MICAL2: variants seen among roughly 807,000 people sequenced by gnomAD.
The protein encoded by MICAL2 is [F-actin]-monooxygenase MICAL2.
A neutral mutation model predicts 127.3 loss-of-function variants in MICAL2; 77 were observed. The observed-to-expected ratio is 0.60, with a 90% CI of 0.50 to 0.73. MICAL2 has a LOEUF of 0.73. MICAL2 is among the 30% of genes least tolerant of loss of function. The probability of loss-of-function intolerance (pLI) is 0.00; values close to 1 mark genes in which losing one functional copy is unlikely to be tolerated. For synonymous variants in MICAL2, 570 were observed against 551.1 expected, an observed-to-expected ratio of 1.03 and a Z score of -0.48; for missense variants, 1,351 against 1,434.4, an observed-to-expected ratio of 0.94 and a Z score of 0.94.
chr11:12,167,624 T>A (rs540035501), intron 3 of MICAL2, among the ~76,000 whole-genome samples: 117 of 152,266 alleles, frequency 7.7e-4, no homozygotes, highest in African/African-American at 2.6e-3. Context: ...GTTCCAGTCA[T>A]AACCGATAAA....
At chr11:12,285,017 G>A (rs571850352) in intron 2 of MICAL2, among the ~76,000 whole-genome samples, 21 of 152,332 alleles carry the variant, frequency 1.4e-4, no homozygotes, top group Admixed American at 2.6e-4. Context: ...CAGGAGACCA[G>A]AATTTTATTA....
chr11:12,343,631 A>G (rs1938906649), intron 32 of MICAL2, among the ~76,000 whole-genome samples: 1 of 152,144 alleles, frequency 6.6e-6, no homozygotes, highest in South Asian at 2.1e-4. Flanking sequence ...GTGTGGGTAT[A>G]ATGCAGGAAA....
rs200644427 is a variant in MICAL2, at chr11:12,220,373, T to C, written c.1121T>C (p.Met374Thr). The stretch of plus-strand genomic sequence containing the variant: ...GTGGCCATGTTTGACTTTACCTGCA[T>C]GTATGCCTCAGAGAACGCGGCCCTG... Reference protein sequence around the residue: ...PDVAMFDFTCMYASENAALVR... With the variant: ...PDVAMFDFTCTYASENAALVR... The change falls in exon 9 of 28, where the codon ATG becomes ACG. Residue 374 changes from methionine (M) to threonine (T), a missense_variant. Physicochemically the swap from Met to Thr is moderately conservative, Grantham distance 81. Transcript: ENST00000683283. 7 of 1,614,238 alleles carry C rather than the reference T, an allele frequency of 4.3e-6. No homozygotes were observed. Among genetic ancestry groups the C allele is most frequent in the East Asian group, 2.2e-5 (1 of 44,882 alleles).
At chr11:12,246,783 A>G (rs139053767) in intron 21 of MICAL2, among the ~76,000 whole-genome samples, 62 of 152,278 alleles carry the variant, frequency 4.1e-4, no homozygotes, top group African/African-American at 1.4e-3. Flanking sequence ...ACAAATATTT[A>G]TTGAATGAAA....
intron 32 of MICAL2, among the ~76,000 whole-genome samples, chr11:12,338,878 G>A (rs1282129506): frequency 6.6e-6 from 1 of 152,176 alleles, no homozygotes; most frequent in African/African-American, 2.4e-5. Context: ...CTCTCTGGCT[G>A]CCCTTAACAT....
chr11:12,222,851 C>T (rs768017079), intron 11 of MICAL2, 108 bp downstream of exon 11: 51 of 1,406,998 alleles, frequency 3.6e-5, no homozygotes, highest in Non-Finnish European at 4.2e-5. Flanking sequence ...GGACTAAGGC[C>T]ACCAAGGCCT....
intron 4 of MICAL2, among the ~76,000 whole-genome samples, chr11:12,205,909 TC>T (rs1854619582): frequency 6.6e-6 from 1 of 152,208 alleles, no homozygotes; most frequent in African/African-American, 2.4e-5. Flanking sequence ...AGAGCCATGT[TC>T]TTATGAGGAC....
chr11:12,226,735 CT>C (rs1228807839), intron 14 of MICAL2, among the ~76,000 whole-genome samples: 2 of 146,612 alleles, frequency 1.4e-5, no homozygotes, highest in Non-Finnish European at 3.0e-5. Context: ...TCACTGCAAG[CT>C]CTGCCTCCTG....
chr11:12,217,592 C>T lies in MICAL2; in HGVS notation c.948+1273C>T, dbSNP rs1363048787. Among the ~76,000 whole-genome samples, 7 of 152,146 alleles carry T rather than the reference C, an allele frequency of 4.6e-5. No homozygotes were observed. The East Asian group carries it at 1.2e-3, about 25-fold the overall frequency. On this transcript the variant is annotated intron_variant, in intron 8 of 27. Transcript: ENST00000683283. ...GGGGGGTGCAGGGGTGTAGGGGTAG[C>T]GGGCAGCTTTGCAGAGGAGAGGTTA...
chr11:12,117,396 G>C (rs904692202), intron 1 of MICAL2, among the ~76,000 whole-genome samples: 6 of 152,248 alleles, frequency 3.9e-5, no homozygotes, highest in African/African-American at 1.2e-4. Context: ...AGAACACCCT[G>C]TTCTGGCCTT....
chr11:12,242,754 A>C lies in MICAL2; in HGVS notation c.2640A>C (p.Gly880=). ...EKAAHLASMF[G]HGDFPQNKLL... ...CGGCTCACCTTGCCTCCATGTTTGG[A>C]CACGGGGATTTCCCGCAGGTAAACA... The change falls in exon 20 of 28, where the codon GGA becomes GGC. Residue 880 remains glycine (G), a synonymous_variant. Coordinates refer to ENST00000683283, the MANE Select transcript of MICAL2 (RefSeq NM_001282663.2). 1 of 1,608,786 alleles carries C rather than the reference A, an allele frequency of 6.2e-7. No individual in the cohort carries two copies. Among genetic ancestry groups the C allele is most frequent in the Non-Finnish European group, 8.5e-7 (1 of 1,178,350 alleles).
chr11:12,204,100 T>G, intron 3 of MICAL2, 150 bp from the exon 4 acceptor site: 1 of 705,260 alleles, frequency 1.4e-6, no homozygotes, highest in Non-Finnish European at 2.4e-6. Context: ...ATTGGGTGGA[T>G]GAATGACAGG....
rs546537511 is a variant in MICAL2, at chr11:12,130,777, G to A, written c.-148-7613G>A. ...GCACATGGCAGCATTTTAGCTTCCT[G>A]GCACCCCAGCACTTGGGCTAGAATT... On this transcript the variant is annotated intron_variant, in intron 1 of 27. Transcript: ENST00000683283. Among the ~76,000 whole-genome samples the A allele has an allele frequency of 5.9e-5, 9 of 151,908 alleles. No homozygotes were observed. In the South Asian group the frequency reaches 1.9e-3, roughly 31 times the overall value.
At chr11:12,170,247 C>G (rs7949249) in intron 3 of MICAL2, among the ~76,000 whole-genome samples, 1 of 151,864 alleles carries the variant, frequency 6.6e-6, no homozygotes, top group Admixed American at 6.6e-5. Context: ...CCCAGGAATT[C>G]GAGACCAGCC....
intron 30 of MICAL2, among the ~76,000 whole-genome samples, chr11:12,321,649 C>CTA (rs956679296): frequency 2.5e-4 from 10 of 40,794 alleles, no homozygotes; most frequent in African/African-American, 7.6e-4. Flanking sequence ...ATATGTAAGG[C>CTA]TGTGTGTTTA....
intron 29 of MICAL2, among the ~76,000 whole-genome samples, chr11:12,318,385 T>C (rs1404236976): frequency 1.3e-5 from 2 of 152,234 alleles, no homozygotes; most frequent in African/African-American, 4.8e-5. Flanking sequence ...TGATTCTATC[T>C]TTACCTGAGC....
At chr11:12,314,703 G>A (rs1864214616) in intron 29 of MICAL2, among the ~76,000 whole-genome samples, 1 of 146,940 alleles carries the variant, frequency 6.8e-6, no homozygotes. Flanking sequence ...AGCCAGGATG[G>A]TCTCGATCTC....
intron 4 of MICAL2, among the ~76,000 whole-genome samples, chr11:12,204,769 A>T (rs1443646464): frequency 1.3e-5 from 2 of 152,226 alleles, no homozygotes; most frequent in Non-Finnish European, 2.9e-5. Context: ...TGATTGAGTG[A>T]AACAGAGAAA....
intron 12 of MICAL2, 91 bp downstream of exon 12, chr11:12,223,592 C>A: frequency 8.7e-7 from 1 of 1,148,390 alleles, no homozygotes; most frequent in Non-Finnish European, 1.3e-6. Context: ...ACAGGCACTG[C>A]AACCAGCCTG....
Sources: allele counts gnomAD v4.1 joint callset (sites outside exome capture counted in the v4.1 genomes callset), GRCh38; gene constraint gnomAD v4.1.1; transcripts MANE v1.5; gene names NCBI Gene and HGNC (gene_info 2026-07-23, HGNC 2026-07-21).